RAB30: variants seen among roughly 807,000 people sequenced by gnomAD.
RAB30 encodes ras-related protein Rab-30.
RAB30 carries 9 observed loss-of-function variants against 25.1 expected under a neutral mutation model. That is an observed-to-expected ratio of 0.36 (90% CI 0.22 to 0.63). The LOEUF is 0.63. RAB30 is among the 20% of genes least tolerant of loss of function. The pLI, the probability that RAB30 is intolerant of heterozygous loss-of-function variation, is 0.69. For missense variants in RAB30, 140 were observed against 243.5 expected (o/e 0.58, Z 2.83); for synonymous variants, 77 against 86.4 (o/e 0.89, Z 0.60).
chr11:83,052,397 G>A (rs1325902439), intron 1 of RAB30, among the ~76,000 whole-genome samples: 1 of 152,066 alleles, frequency 6.6e-6, no homozygotes, highest in Non-Finnish European at 1.5e-5. Context: ...TATCCATTTC[G>A]CTATAGCCCA....
intron 1 of RAB30, among the ~76,000 whole-genome samples, chr11:83,031,140 T>C (rs1857847957): frequency 6.6e-6 from 1 of 152,216 alleles, no homozygotes; most frequent in Non-Finnish European, 1.5e-5. Context: ...CACCTTGATC[T>C]TGGACTCCTA....
chr11:83,009,479 A>C (rs1857258727), intron 1 of RAB30, among the ~76,000 whole-genome samples: 1 of 152,198 alleles, frequency 6.6e-6, no homozygotes, highest in Admixed American at 6.5e-5. Flanking sequence ...ACAGTTTGAG[A>C]GCTGGGTGGA....
At chr11:83,006,566 C>T (rs531016702) in intron 1 of RAB30, among the ~76,000 whole-genome samples, 22 of 152,276 alleles carry the variant, frequency 1.4e-4, no homozygotes, top group African/African-American at 5.1e-4. Flanking sequence ...TTAGCTCTTT[C>T]TAGGAAAGAA....
At position 82,982,405 on chromosome 11, in the gene RAB30, A is replaced by C. The variant is rs1470993739; in HGVS notation, c.372T>G (p.Ile124Met). Residue 124 changes from isoleucine (I) to methionine (M), a missense_variant, in exon 5 of 5, where the codon ATT becomes ATG. Transcript: ENST00000527633. ...KVITVLVGNK[I>M]DLAERREVSQ... ...AAACCTCTCTCCTTTCAGCCAGGTCAATCTTGTTGCCTATAACAGTAGTAA... is the reference window on the plus strand; with the variant it reads ...AAACCTCTCTCCTTTCAGCCAGGTCCATCTTGTTGCCTATAACAGTAGTAA... The C allele has an allele frequency of 2.5e-6, 4 of 1,613,544 alleles. No homozygotes were observed. Among genetic ancestry groups the C allele is most frequent in the Non-Finnish European group, 3.4e-6 (4 of 1,179,976 alleles).
intron 1 of RAB30, among the ~76,000 whole-genome samples, chr11:83,067,055 C>T (rs894123121): frequency 3.3e-5 from 5 of 152,128 alleles, no homozygotes; most frequent in African/African-American, 7.2e-5. Context: ...CAGTCTGGAG[C>T]GCTTTTGCTT....
intron 1 of RAB30, among the ~76,000 whole-genome samples, chr11:83,012,052 T>C (rs747923782): frequency 2.0e-5 from 3 of 152,106 alleles, no homozygotes; most frequent in Non-Finnish European, 4.4e-5. Context: ...TGTGATACTT[T>C]TGTGCTTTTC....
chr11:83,062,492 G>A (rs1245638897), intron 1 of RAB30, among the ~76,000 whole-genome samples: 1 of 152,142 alleles, frequency 6.6e-6, no homozygotes, highest in East Asian at 1.9e-4. Context: ...GGAACAATTA[G>A]ACAACATGAG....
chr11:83,012,471 TTCTGAATGC>T (rs1485284649), intron 1 of RAB30, among the ~76,000 whole-genome samples: 1 of 152,324 alleles, frequency 6.6e-6, no homozygotes, highest in South Asian at 2.1e-4. Context: ...AGACTGCTCT[TTCTGAATGC>T]TCTGAATGCT....
chr11:82,995,112 A>G (rs1172088114), intron 2 of RAB30, among the ~76,000 whole-genome samples: 1 of 152,176 alleles, frequency 6.6e-6, no homozygotes, highest in East Asian at 1.9e-4. Context: ...TCAAGAAAGA[A>G]CTCTTCACCC....
chr11:83,025,622 C>T (rs764801960), intron 1 of RAB30, among the ~76,000 whole-genome samples: 2 of 152,098 alleles, frequency 1.3e-5, no homozygotes, highest in Non-Finnish European at 2.9e-5. Context: ...GCTCATGATA[C>T]AAAGAAAAAT....
At chr11:83,001,344 T>C (rs560821565) in intron 1 of RAB30, among the ~76,000 whole-genome samples, 1 of 152,180 alleles carries the variant, frequency 6.6e-6, no homozygotes, top group African/African-American at 2.4e-5. Context: ...CCCAGCTAAT[T>C]TTTTAAATTT....
At chr11:83,048,080 CA>C (rs1397283131) in intron 1 of RAB30, among the ~76,000 whole-genome samples, 2 of 152,050 alleles carry the variant, frequency 1.3e-5, no homozygotes, top group East Asian at 3.8e-4. Context: ...CCTGTCTCTA[CA>C]AAAAATAAAA....
chr11:83,014,118 A>T (rs1339489243), intron 1 of RAB30, among the ~76,000 whole-genome samples: 8 of 152,254 alleles, frequency 5.3e-5, no homozygotes, highest in Non-Finnish European at 1.2e-4. Context: ...ATGGGAAAAT[A>T]AGCATATACA....
chr11:82,982,733 G>A lies in RAB30; in HGVS notation c.362-318C>T, dbSNP rs947150863. 2.6e-5 allele frequency among the ~76,000 whole-genome samples: 4 copies of A among 152,042 alleles called. No homozygotes were observed. The South Asian group carries it at 6.2e-4, about 24-fold the overall frequency. Reference sequence around the variant, plus strand: ...AAAAATTAGCCAGGTGTGGTGGCACGCACCTGTAGTCCCAGCTACTTGGGA... The same window carrying A: ...AAAAATTAGCCAGGTGTGGTGGCACACACCTGTAGTCCCAGCTACTTGGGA... On this transcript the variant is annotated intron_variant, in intron 4 of 4. Coordinates refer to ENST00000527633, the MANE Select transcript of RAB30 (RefSeq NM_001286060.2).
chr11:83,004,296 G>A (rs576850636), intron 1 of RAB30, among the ~76,000 whole-genome samples: 1 of 152,292 alleles, frequency 6.6e-6, no homozygotes, highest in African/African-American at 2.4e-5. Flanking sequence ...TCAAATTTCA[G>A]TTTCAGATGG....
rs756870224 is a variant in RAB30 at position 82,987,622 on chromosome 11, T to A, written c.326A>T (p.Gln109Leu). 6.8e-6 allele frequency: 11 copies of A among 1,613,662 alleles called. No homozygotes were observed. The South Asian group carries it at 1.2e-4, about 18-fold the overall frequency. Residue 109 changes from glutamine (Q) to leucine (L), a missense_variant, in exon 4 of 5, where the codon CAA becomes CTA. Physicochemically the swap from Gln to Leu is moderately radical, Grantham distance 113. Transcript: ENST00000527633. Reference protein sequence around the residue: ...CLPEWLREIEQYASNKVITVL... With the variant: ...CLPEWLREIELYASNKVITVL... ...AGTGATGACCTTGTTGCTGGCATATTGTTCTATCTCCCGCAGCCACTCAGG... is the reference window on the plus strand; with the variant it reads ...AGTGATGACCTTGTTGCTGGCATATAGTTCTATCTCCCGCAGCCACTCAGG...
intron 2 of RAB30, among the ~76,000 whole-genome samples, chr11:82,996,570 T>C (rs1346188346): frequency 6.6e-6 from 1 of 152,232 alleles, no homozygotes; most frequent in African/African-American, 2.4e-5. Context: ...ATGATTTCTA[T>C]ATAAAAGCAG....
chr11:82,984,322 G>A (rs549873393), intron 4 of RAB30, among the ~76,000 whole-genome samples: 1 of 152,290 alleles, frequency 6.6e-6, no homozygotes, highest in Admixed American at 6.5e-5. Flanking sequence ...AATAGATTTA[G>A]TCTCCTATGG....
chr11:83,027,577 C>T (rs1254989493), intron 1 of RAB30, among the ~76,000 whole-genome samples: 1 of 152,104 alleles, frequency 6.6e-6, no homozygotes, highest in Non-Finnish European at 1.5e-5. Context: ...ATTCTGTATT[C>T]AGAGTTTCCT....
Sources: allele counts gnomAD v4.1 joint callset (sites outside exome capture counted in the v4.1 genomes callset), GRCh38; gene constraint gnomAD v4.1.1; transcripts MANE v1.5; gene names NCBI Gene and HGNC (gene_info 2026-07-23, HGNC 2026-07-21).